The following CDH7 variants were observed in gnomAD, a reference collection of about 807,000 sequenced individuals.
The protein encoded by CDH7 is cadherin 7.
A neutral mutation model predicts 71.8 loss-of-function variants in CDH7; 25 were observed. That is an observed-to-expected ratio of 0.35 (90% CI 0.25 to 0.49). The LOEUF is 0.49. Among genes scored for constraint, CDH7 ranks in the 20% least tolerant of loss-of-function variants. The pLI is 0.99. For missense variants in CDH7, 862 were observed against 974.6 expected, an observed-to-expected ratio of 0.88 and a Z score of 1.54; for synonymous variants, 381 against 363.8, an observed-to-expected ratio of 1.05 and a Z score of -0.54.
At position 65,798,079 on chromosome 18, in the gene CDH7, C is replaced by T. The variant is rs148769954; in HGVS notation, c.211-11625C>T. On this transcript the variant is annotated intron_variant, in intron 2 of 11. Transcript: ENST00000397968. ...ATAGAGAACTAAGGAGGAGGGCATG[C>T]AAACTGGGTCGCTGGCTTCCCTGAG... Among the ~76,000 whole-genome samples the T allele has an allele frequency of 2.5e-4, 38 of 152,310 alleles. No individual in the cohort carries two copies. The East Asian group carries it at 7.1e-3, about 29-fold the overall frequency.
intron 11 of CDH7, among the ~76,000 whole-genome samples, chr18:65,871,472 A>G (rs1913924299): frequency 6.6e-6 from 1 of 152,196 alleles, no homozygotes; most frequent in Non-Finnish European, 1.5e-5. Flanking sequence ...TTAAATAGGC[A>G]GGAGCCATGG....
At chr18:65,858,294 A>G (rs1204234122) in intron 8 of CDH7, among the ~76,000 whole-genome samples, 2 of 152,070 alleles carry the variant, frequency 1.3e-5, no homozygotes, top group Non-Finnish European at 2.9e-5. Context: ...TAACAAAGAC[A>G]TCTGGATTTG....
rs1914184763 is a variant in CDH7, at chr18:65,880,392, T to C, written c.1865-9T>C. The C allele has an allele frequency of 1.3e-6, 2 of 1,526,230 alleles. No homozygotes were observed. Among genetic ancestry groups the C allele is most frequent in the East Asian group, 2.3e-5 (1 of 44,306 alleles). 94.5% of individuals were successfully genotyped at this position (1,526,230 alleles called of 1,614,324 possible). On this transcript the variant is annotated splice_polypyrimidine_tract_variant and intron_variant, in intron 11 of 11. Coordinates refer to ENST00000397968, the MANE Select transcript of CDH7 (RefSeq NM_004361.5). ...ACTGAAACTTTCTCTTCCTGTCTTA[T>C]TGTTTCAGTGTTGATCCTCCTTATC...
At position 65,876,972 on chromosome 18, in the gene CDH7, CA is replaced by C. The variant is rs35381239; in HGVS notation, c.1865-3425del. Among the ~76,000 whole-genome samples the C allele has an allele frequency of 8.5e-5, 13 of 152,216 alleles. No individual in the cohort carries two copies. The South Asian group carries it at 2.5e-3, about 29-fold the overall frequency. Reference sequence around the variant, plus strand: ...ACTCAGAAGTAGAGGTCATATGACACAAAAGAGAAATGATAAAACCTCTTAA... The same window carrying C: ...ACTCAGAAGTAGAGGTCATATGACACAAAGAGAAATGATAAAACCTCTTAA... On this transcript the variant is annotated intron_variant, in intron 11 of 11. Coordinates refer to ENST00000397968, the MANE Select transcript of CDH7 (RefSeq NM_004361.5).
In CDH7 at chr18:65,781,767, T is replaced by TTTCTTTCCTTCCTTCCTTCC. The variant is rs1568181229; in HGVS notation, c.210+18718_210+18719insTTTCCTTCCTTCCTTCCTTC. Among the ~76,000 whole-genome samples, 4 of 75,508 alleles carry TTTCTTTCCTTCCTTCCTTCC rather than the reference T, an allele frequency of 5.3e-5. No individual in the cohort carries two copies. The East Asian group carries it at 1.6e-3, about 30-fold the overall frequency. 49.5% of individuals were successfully genotyped at this position (75,508 alleles called of 152,430 possible). ...ATTGGTTGATTTCTTTCTTTCTTTC[T>TTTCTTTCCTTCCTTCCTTCC]TTCCTTCCTTCCTTCCTTCCTTCCT... On this transcript the variant is annotated intron_variant, in intron 2 of 11. Transcript: ENST00000397968.
intron 2 of CDH7, among the ~76,000 whole-genome samples, chr18:65,780,523 G>A (rs1356769026): frequency 7.3e-6 from 1 of 137,548 alleles, no homozygotes; most frequent in African/African-American, 2.8e-5. Flanking sequence ...TTCTACATAT[G>A]GCTAGCCAGT....
chr18:65,795,649 T>C (rs967232674), intron 2 of CDH7, among the ~76,000 whole-genome samples: 1 of 152,138 alleles, frequency 6.6e-6, no homozygotes, highest in African/African-American at 2.4e-5. Context: ...TTAGATAAAT[T>C]ATAATTAAGT....
chr18:65,751,497 C>G (rs1341417801), intron 1 of CDH7, among the ~76,000 whole-genome samples: 1 of 152,152 alleles, frequency 6.6e-6, no homozygotes. Context: ...CAAAGAGGAC[C>G]ACAAGCAGGC....
At chr18:65,875,613 G>A (rs953289991) in intron 11 of CDH7, among the ~76,000 whole-genome samples, 35 of 152,158 alleles carry the variant, frequency 2.3e-4, no homozygotes, top group African/African-American at 6.5e-4. Flanking sequence ...AAGGCCGGGC[G>A]TGGTGGCTCA....
At chr18:65,784,931 T>C (rs980007399) in intron 2 of CDH7, among the ~76,000 whole-genome samples, 1 of 152,178 alleles carries the variant, frequency 6.6e-6, no homozygotes, top group African/African-American at 2.4e-5. Context: ...TTGTAAGCCA[T>C]TAAAACTCCC....
At chr18:65,782,169 T>TCTTTCTTTCTTC (rs1568182748) in intron 2 of CDH7, among the ~76,000 whole-genome samples, 3 of 122,650 alleles carry the variant, frequency 2.4e-5, no homozygotes, top group Admixed American at 8.5e-5. Context: ...TTTCTTCCTT[T>TCTTTCTTTCTTC]CTTTCTTTCT....
At chr18:65,784,137 A>T (rs1259945227) in intron 2 of CDH7, among the ~76,000 whole-genome samples, 1 of 66,784 alleles carries the variant, frequency 1.5e-5, no homozygotes, top group Non-Finnish European at 3.0e-5. Flanking sequence ...TTTTTTGTAG[A>T]GATTGGGTTT....
chr18:65,856,739 G>A (rs1385243123), intron 7 of CDH7, among the ~76,000 whole-genome samples: 2 of 151,976 alleles, frequency 1.3e-5, no homozygotes, highest in Non-Finnish European at 2.9e-5. Context: ...TCGTTTAATT[G>A]TTTGTTTTTG....
chr18:65,857,776 T>C (rs1205313877), intron 7 of CDH7, 40 bp from the exon 8 acceptor site: 1 of 1,595,534 alleles, frequency 6.3e-7, no homozygotes, highest in South Asian at 1.1e-5. Context: ...TAATCAAACG[T>C]ACATGTTGAA....
intron 2 of CDH7, among the ~76,000 whole-genome samples, chr18:65,808,453 G>GA (rs1911405085): frequency 6.6e-6 from 1 of 152,116 alleles, no homozygotes; most frequent in Admixed American, 6.5e-5. Flanking sequence ...AATTCACACT[G>GA]AAAAAAGTTA....
chr18:65,814,637 C>G, intron 4 of CDH7, 33 bp downstream of exon 4: 2 of 1,579,568 alleles, frequency 1.3e-6, no homozygotes, highest in South Asian at 2.3e-5. Flanking sequence ...CTTGTAAAGT[C>G]ATCATTTGTT....
At chr18:65,844,110 C>T (rs1352616647) in intron 7 of CDH7, 45 bp downstream of exon 7, 1 of 1,556,002 alleles carries the variant, frequency 6.4e-7, no homozygotes. Flanking sequence ...ACAAACAATG[C>T]ATTCTTGTTC....
At chr18:65,791,781 A>C (rs1432426432) in intron 2 of CDH7, among the ~76,000 whole-genome samples, 1 of 152,224 alleles carries the variant, frequency 6.6e-6, no homozygotes, top group African/African-American at 2.4e-5. Flanking sequence ...TCTGTTCAGT[A>C]AACACTGTCC....
intron 3 of CDH7, among the ~76,000 whole-genome samples, chr18:65,810,467 T>C (rs1182294035): frequency 6.6e-6 from 1 of 152,180 alleles, no homozygotes; most frequent in Non-Finnish European, 1.5e-5. Context: ...GGCTAATATT[T>C]GGATTAATAT....
Sources: allele counts gnomAD v4.1 joint callset (sites outside exome capture counted in the v4.1 genomes callset), GRCh38; gene constraint gnomAD v4.1.1; transcripts MANE v1.5; gene names NCBI Gene and HGNC (gene_info 2026-07-23, HGNC 2026-07-21).